CCDC197: variants seen among roughly 807,000 people sequenced by gnomAD.
CCDC197 encodes uncharacterized protein CCDC197.
A neutral mutation model predicts 13.4 loss-of-function variants in CCDC197; 24 were observed. That is an observed-to-expected ratio of 1.80 (90% CI 1.30 to 2.53). CCDC197 has a LOEUF of 2.53. Ranked by LOEUF, CCDC197 falls within the 30% of genes most tolerant of loss-of-function variation. The probability of loss-of-function intolerance (pLI) is 0.00; values close to 1 mark genes in which losing one functional copy is unlikely to be tolerated. For missense variants in CCDC197, 255 were observed against 148.8 expected (o/e 1.71, Z -3.71); for synonymous variants, 99 against 55.5 (o/e 1.78, Z -3.48).
downstream of CCDC197, among the ~76,000 whole-genome samples, chr14:94,010,113 T>C (rs932018746): frequency 6.6e-6 from 1 of 151,570 alleles, no homozygotes; most frequent in Non-Finnish European, 1.5e-5. Context: ...GGCCAGGGAG[T>C]TAAATAGGAA....
downstream of CCDC197, among the ~76,000 whole-genome samples, chr14:94,011,503 G>A (rs781652591): frequency 2.0e-5 from 3 of 152,224 alleles, no homozygotes; most frequent in Non-Finnish European, 2.9e-5. Context: ...GCGCTTAACA[G>A]CGCGGCTACC....
downstream of CCDC197, among the ~76,000 whole-genome samples, chr14:94,011,074 A>C (rs1253117589): frequency 4.6e-5 from 7 of 152,162 alleles, no homozygotes; most frequent in Admixed American, 6.5e-5. Context: ...CTACATGCTG[A>C]AGCCAGGCAC....
At chr14:93,996,488 C>A (rs919451242), upstream of CCDC197, among the ~76,000 whole-genome samples, 4 of 152,312 alleles carry the variant, frequency 2.6e-5, no homozygotes, top group East Asian at 7.7e-4. Flanking sequence ...ACTCCAGCCA[C>A]AGACCTGAAC....
chr14:93,999,730 G>T, intron 3 of CCDC197, 65 bp downstream of exon 3: 1 of 773,380 alleles, frequency 1.3e-6, no homozygotes, highest in South Asian at 1.4e-5. Flanking sequence ...GCAGGACTGC[G>T]ACACCGTGTG....
intron 1 of CCDC197, among the ~76,000 whole-genome samples, chr14:93,990,049 A>G (rs1890180342): frequency 6.6e-6 from 1 of 152,090 alleles, no homozygotes; most frequent in African/African-American, 2.4e-5. Context: ...CCTCTCACCC[A>G]TTCAATCTCT....
chr14:94,003,582 C>T lies in CCDC197; in HGVS notation c.498+228C>T, dbSNP rs539451086. Among the ~76,000 whole-genome samples the T allele has an allele frequency of 7.3e-5, 11 of 151,356 alleles. No homozygotes were observed. Among genetic ancestry groups the T allele is most frequent in the Non-Finnish European group, 1.6e-4 (11 of 67,806 alleles). ...ACACAACCAGACATATAGACAGACCCAGCCAGACACATACACACAAATGCA... is the reference window on the plus strand; with the variant it reads ...ACACAACCAGACATATAGACAGACCTAGCCAGACACATACACACAAATGCA... On this transcript the variant is annotated intron_variant, in intron 5 of 6. Transcript: ENST00000636493. This position sits in a 1 kb window ranked among gnomAD's most constrained non-coding sequence, Gnocchi z 5.0.
Position 94,008,778 on chromosome 14 carries a change from G to A in CCDC197, c.785G>A (p.Ser262Asn). ...RVSTPRTPFP[S>N]PHASECSGLY ...TCCACCCCCAGGACCCCCTTTCCCAGCCCCCATGCTTCAGAGTGCTCCGGC... is the reference window on the plus strand; with the variant it reads ...TCCACCCCCAGGACCCCCTTTCCCAACCCCCATGCTTCAGAGTGCTCCGGC... Residue 262 changes from serine to asparagine, a missense_variant, in exon 7 of 7, where the codon AGC becomes AAC. Ser to Asn is a conservative substitution (Grantham distance 46). Transcript: ENST00000636493. 1 of 702,596 alleles carries A rather than the reference G, an allele frequency of 1.4e-6. No homozygotes were observed. The highest frequency in any genetic ancestry group is 2.3e-4 in the Middle Eastern group (1 of 4,366). The allele number at this position is 702,596 out of a possible 1,614,324, so 43.5% of individuals were successfully genotyped here. A position where few individuals can be genotyped will look rare whatever the true frequency, so the allele number is the denominator to read the frequency against.
intron 1 of CCDC197, among the ~76,000 whole-genome samples, chr14:93,990,840 C>T (rs1264432917): frequency 6.6e-6 from 1 of 152,232 alleles, no homozygotes; most frequent in Non-Finnish European, 1.5e-5. Context: ...CTTTTGAGCA[C>T]TTTCTTTGGG....
At chr14:94,005,536 T>A (rs569101834) in intron 6 of CCDC197, among the ~76,000 whole-genome samples, 2 of 152,338 alleles carry the variant, frequency 1.3e-5, no homozygotes, top group Admixed American at 1.3e-4. Flanking sequence ...GTTACTGCAG[T>A]AACAGAAAAC....
intron 1 of CCDC197, among the ~76,000 whole-genome samples, chr14:93,989,001 C>T (rs1212648796): frequency 5.3e-5 from 8 of 151,898 alleles, no homozygotes; most frequent in East Asian, 1.9e-4. Context: ...GAGTGCGGGA[C>T]GCTGTGTGCC....
downstream of CCDC197, chr14:94,008,928 G>T: frequency 1.6e-6 from 1 of 609,958 alleles, no homozygotes. Context: ...CATTGAGGGG[G>T]TGGTCAGGGT....
upstream of CCDC197, among the ~76,000 whole-genome samples, chr14:93,996,743 C>T (rs1039416319): frequency 2.1e-5 from 3 of 145,372 alleles, no homozygotes; most frequent in African/African-American, 7.4e-5. Context: ...CAGGGTGGTG[C>T]GTGTGGTGGG....
At chr14:93,998,503 T>C (rs1373845889) in intron 2 of CCDC197, among the ~76,000 whole-genome samples, 3 of 152,208 alleles carry the variant, frequency 2.0e-5, no homozygotes, top group Non-Finnish European at 4.4e-5. Flanking sequence ...GAAGGAGGAC[T>C]GTGGGTGACC....
At chr14:94,005,747 G>A (rs1009212289) in intron 6 of CCDC197, among the ~76,000 whole-genome samples, 7 of 152,082 alleles carry the variant, frequency 4.6e-5, no homozygotes, top group East Asian at 3.8e-4. Context: ...TTTAGCGTCT[G>A]GCTGCTTTCA....
In CCDC197 at chr14:94,001,180, G is replaced by C; in HGVS notation, c.223G>C (p.Val75Leu). ...ATGGGAGGAGCCGGAGGAGGTGCTG[G>C]TGGAGGCCACGGTGAAGCACTACGG... ...TGWEEPEEVL[V>L]EATVKHYGKL... Residue 75 changes from valine to leucine, a missense_variant, in exon 4 of 7, where the codon GTG (valine) becomes CTG (leucine). Val to Leu is a conservative substitution (Grantham distance 32). Transcript: ENST00000636493. The C allele has an allele frequency of 1.3e-6, 1 of 780,620 alleles. No individual in the cohort carries two copies. The highest frequency in any genetic ancestry group is 2.4e-6 in the Non-Finnish European group (1 of 417,914). 48.4% of individuals were successfully genotyped at this position (780,620 alleles called of 1,614,324 possible). A position where few individuals can be genotyped will look rare whatever the true frequency, so the allele number is the denominator to read the frequency against.
chr14:94,003,079 C>T lies in CCDC197; in HGVS notation c.367-144C>T. The T allele has an allele frequency of 1.7e-6, 1 of 579,572 alleles. No homozygotes were observed. Among genetic ancestry groups the T allele is most frequent in the Middle Eastern group, 4.7e-4 (1 of 2,150 alleles). The allele number at this position is 579,572 out of a possible 1,614,324, so 35.9% of individuals were successfully genotyped here. A position where few individuals can be genotyped will look rare whatever the true frequency, so the allele number is the denominator to read the frequency against. On this transcript the variant is annotated intron_variant, in intron 4 of 6. Coordinates refer to ENST00000636493, the MANE Select transcript of CCDC197 (RefSeq NM_001351596.2). The surrounding 1 kb of genome is among the most constrained non-coding windows in gnomAD (Gnocchi z 5.0). The stretch of plus-strand genomic sequence containing the variant: ...AGCCTGGACACGCCCTTTTCTGCAT[C>T]TCTGGTGCCTTGAATGGCCCCAGCC...
Position 93,999,662 on chromosome 14 carries a change from G to C in CCDC197, c.184G>C (p.Glu62Gln), listed in dbSNP as rs192272134. 47 of 781,026 alleles carry C rather than the reference G, an allele frequency of 6.0e-5. No individual in the cohort carries two copies. The East Asian group carries it at 1.1e-3, about 19-fold the overall frequency. The allele number at this position is 781,026 out of a possible 1,614,324, so 48.4% of individuals were successfully genotyped here. ...YLIKVLEKIP[E>Q]GCTGWEEPEE... ...GATTAAGGTCCTTGAGAAAATCCCC[G>C]AGGGTATGTACACAGCTTCCTCGGA... The change falls in exon 3 of 7, where the codon GAG becomes CAG. Residue 62 changes from glutamate to glutamine, a missense_variant. By Grantham distance (29) the Glu-to-Gln change is conservative. Coordinates refer to ENST00000636493, the MANE Select transcript of CCDC197 (RefSeq NM_001351596.2).
chr14:94,005,636 C>T (rs558819197), intron 6 of CCDC197, among the ~76,000 whole-genome samples: 29 of 152,308 alleles, frequency 1.9e-4, no homozygotes, highest in Admixed American at 9.1e-4. Flanking sequence ...TAACATTTAG[C>T]CCTTACAATT....
In CCDC197 at chr14:93,999,070, G is replaced by A. The variant is rs116645645; in HGVS notation, c.105-513G>A. Among the ~76,000 whole-genome samples the A allele has an allele frequency of 9.6e-3, 1,466 of 152,348 alleles. 27 individuals carry two copies. Among genetic ancestry groups the A allele is most frequent in the African/African-American group, 0.033 (1,374 of 41,588 alleles). Reference sequence around the variant, plus strand: ...AAGTATGGTCAGGCAATAGCACGTGGCCGCCTCCCCTCTGGGGGCTGGTGG... The same window carrying A: ...AAGTATGGTCAGGCAATAGCACGTGACCGCCTCCCCTCTGGGGGCTGGTGG... On this transcript the variant is annotated intron_variant, in intron 2 of 6. Transcript: ENST00000636493.
Sources: gnomAD v4.1 joint callset for allele counts (sites outside exome capture counted in the v4.1 genomes callset) on GRCh38, gnomAD v4.1.1 for gene constraint, Gnocchi (gnomAD v3.1) non-coding constraint, MANE v1.5 for transcripts, NCBI Gene and HGNC (gene_info 2026-07-23, HGNC 2026-07-21) for gene names.